The following DLGAP2 variants were observed in gnomAD, a reference collection of about 807,000 sequenced individuals.
The protein encoded by DLGAP2 is disks large-associated protein 2.
DLGAP2 carries 26 observed loss-of-function variants against 100.3 expected under a neutral mutation model. That is an observed-to-expected ratio of 0.26 (90% confidence interval 0.19 to 0.36). The LOEUF is 0.36. DLGAP2 is among the 10% of genes least tolerant of loss of function. The pLI, the probability that DLGAP2 is intolerant of heterozygous loss-of-function variation, is 1.00. For missense variants in DLGAP2, 1,858 were observed against 1,453.2 expected, an observed-to-expected ratio of 1.28 and a Z score of -4.53; for synonymous variants, 886 against 630.1, an observed-to-expected ratio of 1.41 and a Z score of -6.08.
intron 5 of DLGAP2, among the ~76,000 whole-genome samples, chr8:1,555,278 C>G (rs1222658586): frequency 1.3e-5 from 2 of 152,192 alleles, no homozygotes; most frequent in African/African-American, 4.8e-5. Context: ...CAGCCACCAG[C>G]TGCCCCATCC....
At chr8:1,066,487 C>T (rs1449897721) in intron 2 of DLGAP2, among the ~76,000 whole-genome samples, 1 of 147,544 alleles carries the variant, frequency 6.8e-6, no homozygotes, top group Non-Finnish European at 1.5e-5. Context: ...CAGAGCCCCA[C>T]CACGGTCAGG....
intron 1 of DLGAP2, among the ~76,000 whole-genome samples, chr8:795,265 T>C (rs1795999744): frequency 1.3e-5 from 2 of 152,196 alleles, no homozygotes; most frequent in Non-Finnish European, 2.9e-5. Flanking sequence ...TTATTTGTGT[T>C]TCTGCTTAGA....
chr8:1,207,788 T>G (rs1798026553), intron 2 of DLGAP2, among the ~76,000 whole-genome samples: 1 of 152,194 alleles, frequency 6.6e-6, no homozygotes, highest in Non-Finnish European at 1.5e-5. Flanking sequence ...CACACTGTGG[T>G]TTTTTTATTT....
intron 6 of DLGAP2, among the ~76,000 whole-genome samples, chr8:1,595,688 A>AAAG (rs1554505309): frequency 4.7e-5 from 7 of 147,862 alleles, no homozygotes; most frequent in East Asian, 4.1e-4. Context: ...AAAAAAAAAA[A>AAAG]AAAGAAATAG....
At chr8:1,217,056 C>T (rs984029753) in intron 2 of DLGAP2, among the ~76,000 whole-genome samples, 2 of 152,016 alleles carry the variant, frequency 1.3e-5, no homozygotes, top group East Asian at 3.9e-4. Flanking sequence ...ATTTCATCAC[C>T]CAGGTAGTGA....
chr8:1,368,789 A>C (rs1337621597), intron 3 of DLGAP2: 2 of 152,198 alleles, frequency 1.3e-5, no homozygotes, highest in Non-Finnish European at 2.9e-5. Context: ...TGCTGGCTTG[A>C]AATCCAAGGC....
chr8:805,947 T>C (rs1458746950), intron 1 of DLGAP2, among the ~76,000 whole-genome samples: 1 of 152,258 alleles, frequency 6.6e-6, no homozygotes, highest in African/African-American at 2.4e-5. Context: ...ATTCTGAATT[T>C]CAACTTGGTC....
intron 2 of DLGAP2, among the ~76,000 whole-genome samples, chr8:1,022,090 G>C (rs999492440): frequency 1.3e-5 from 2 of 152,194 alleles, no homozygotes; most frequent in Admixed American, 6.5e-5. Context: ...AACAGGTGCA[G>C]AGAAGCCCAG....
At chr8:1,217,655 C>T (rs1357065137) in intron 2 of DLGAP2, among the ~76,000 whole-genome samples, 2 of 152,052 alleles carry the variant, frequency 1.3e-5, no homozygotes, top group Non-Finnish European at 2.9e-5. Flanking sequence ...ATTTTAACCT[C>T]CCTGGTTAGC....
At chr8:1,337,418 G>T (rs148572116) in intron 3 of DLGAP2, among the ~76,000 whole-genome samples, 39 of 856 alleles carry the variant, frequency 0.046, no homozygotes, top group Middle Eastern at 0.25. Flanking sequence ...GTGATGGTGA[G>T]GATGATGGTG....
In DLGAP2 at chr8:1,547,003, C is replaced by T. The variant is rs536907528; in HGVS notation, c.173-1623C>T. The stretch of plus-strand genomic sequence containing the variant: ...CTGTCTGGGTCTTTGGCCTCGAGGA[C>T]GGCACACAGCAAGGCCGAGTGGTGT... On this transcript the variant is annotated intron_variant, in intron 4 of 14. Coordinates refer to ENST00000637795, the MANE Select transcript of DLGAP2 (RefSeq NM_001346810.2). 9.9e-5 allele frequency among the ~76,000 whole-genome samples: 15 copies of T among 152,210 alleles called. No individual in the cohort carries two copies. In the South Asian group the frequency reaches 2.1e-3, roughly 21 times the overall value.
intron 1 of DLGAP2, among the ~76,000 whole-genome samples, chr8:812,970 A>C (rs766592823): frequency 2.6e-5 from 4 of 152,220 alleles, no homozygotes; most frequent in Non-Finnish European, 4.4e-5. Context: ...CTGGTTCTCA[A>C]ATGAGGAGTG....
intron 2 of DLGAP2, among the ~76,000 whole-genome samples, chr8:1,006,220 A>G (rs1164520029): frequency 6.6e-6 from 1 of 152,124 alleles, no homozygotes; most frequent in Non-Finnish European, 1.5e-5. Context: ...ATGCCCCACC[A>G]TCCCCCAACC....
At chr8:1,490,753 G>GC (rs1175842356) in intron 3 of DLGAP2, among the ~76,000 whole-genome samples, 1 of 152,128 alleles carries the variant, frequency 6.6e-6, no homozygotes, top group Non-Finnish European at 1.5e-5. Context: ...GAATCTCTGG[G>GC]CTGGGGCATG....
intron 2 of DLGAP2, among the ~76,000 whole-genome samples, chr8:1,216,473 C>G (rs770216565): frequency 5.9e-5 from 9 of 151,868 alleles, no homozygotes; most frequent in Non-Finnish European, 1.2e-4. Flanking sequence ...TTCAACCTCC[C>G]ACGTATGTGC....
At chr8:1,068,516 T>C (rs925153139) in intron 2 of DLGAP2, among the ~76,000 whole-genome samples, 3 of 152,166 alleles carry the variant, frequency 2.0e-5, no homozygotes, top group Non-Finnish European at 4.4e-5. Context: ...GGTCTGAGGC[T>C]TCCCCGGTGG....
intron 6 of DLGAP2, among the ~76,000 whole-genome samples, chr8:1,614,810 G>T (rs573203156): frequency 4.6e-4 from 70 of 152,352 alleles, no homozygotes; most frequent in Non-Finnish European, 7.9e-4. Context: ...TGACAGCCAT[G>T]AACTGTGGAG....
intron 3 of DLGAP2, among the ~76,000 whole-genome samples, chr8:1,405,393 C>T (rs1796556526): frequency 1.0e-4 from 2 of 19,290 alleles, no homozygotes; most frequent in African/African-American, 1.8e-4. Context: ...CCTCGTCCTC[C>T]AGAGTCGTGT....
intron 6 of DLGAP2, among the ~76,000 whole-genome samples, chr8:1,581,651 A>G (rs1803266327): frequency 1.3e-5 from 2 of 151,696 alleles, no homozygotes; most frequent in African/African-American, 4.8e-5. Context: ...ACATCTACAC[A>G]CCACAGTCAA....
Sources: allele counts gnomAD v4.1 joint callset (sites outside exome capture counted in the v4.1 genomes callset), GRCh38; gene constraint gnomAD v4.1.1; transcripts MANE v1.5; gene names NCBI Gene and HGNC (gene_info 2026-07-23, HGNC 2026-07-21).